SGCZ: variants seen among roughly 807,000 people sequenced by gnomAD.
The protein encoded by SGCZ is sarcoglycan zeta, also known as zeta-sarcoglycan.
In SGCZ, 40 loss-of-function variants were observed where a neutral mutation model predicts 41.3. The observed-to-expected ratio is 0.97, with a 90% confidence interval of 0.75 to 1.26. The LOEUF is 1.26. SGCZ is among the 50% of genes most tolerant of loss of function. The pLI, the probability that SGCZ is intolerant of heterozygous loss-of-function variation, is 0.00. For synonymous variants in SGCZ, 206 were observed against 137.5 expected, an observed-to-expected ratio of 1.50 and a Z score of -3.49; for missense variants, 552 against 369.8, an observed-to-expected ratio of 1.49 and a Z score of -4.04.
intron 1 of SGCZ, among the ~76,000 whole-genome samples, chr8:14,698,209 T>C (rs944458807): frequency 4.6e-5 from 7 of 151,984 alleles, no homozygotes; most frequent in African/African-American, 1.7e-4. Context: ...TAGCATCTAA[T>C]AACCTAATAA....
chr8:14,466,038 G>A (rs1033853771), intron 2 of SGCZ, among the ~76,000 whole-genome samples: 6 of 151,898 alleles, frequency 4.0e-5, no homozygotes, highest in African/African-American at 1.4e-4. Flanking sequence ...ATTGCTCACA[G>A]TTTATCTTTA....
intron 2 of SGCZ, among the ~76,000 whole-genome samples, chr8:14,374,684 A>T (rs1156458065): frequency 2.0e-5 from 3 of 152,146 alleles, no homozygotes; most frequent in Non-Finnish European, 4.4e-5. Flanking sequence ...AGATAAGCTC[A>T]TTGGCTTGGG....
chr8:15,201,703 A>G (rs991385946), intron 1 of SGCZ, among the ~76,000 whole-genome samples: 11 of 152,140 alleles, frequency 7.2e-5, no homozygotes, highest in African/African-American at 2.7e-4. Flanking sequence ...CAATTACACA[A>G]CTGGAAAGAA....
At chr8:14,510,431 C>T (rs961775622) in intron 2 of SGCZ, among the ~76,000 whole-genome samples, 1 of 150,904 alleles carries the variant, frequency 6.6e-6, no homozygotes, top group Non-Finnish European at 1.5e-5. Context: ...TAAAACCTAT[C>T]TTTGTCCTGT....
At chr8:14,795,290 A>G (rs1387090277) in intron 1 of SGCZ, among the ~76,000 whole-genome samples, 4 of 152,202 alleles carry the variant, frequency 2.6e-5, no homozygotes, top group African/African-American at 4.8e-5. Flanking sequence ...TTTACTTAAC[A>G]TAGAAGAAAA....
intron 1 of SGCZ, among the ~76,000 whole-genome samples, chr8:14,770,760 G>C (rs539865631): frequency 6.6e-6 from 1 of 152,122 alleles, no homozygotes; most frequent in East Asian, 1.9e-4. Flanking sequence ...ATAACCCTGT[G>C]ATTGAGACAA....
chr8:14,441,797 A>T (rs1800278612), intron 2 of SGCZ, among the ~76,000 whole-genome samples: 1 of 151,818 alleles, frequency 6.6e-6, no homozygotes, highest in Non-Finnish European at 1.5e-5. Flanking sequence ...TTCTCCTTTA[A>T]CTTTTTTGTC....
intron 1 of SGCZ, among the ~76,000 whole-genome samples, chr8:15,051,931 GA>G (rs1252298231): frequency 6.6e-6 from 1 of 152,130 alleles, no homozygotes; most frequent in African/African-American, 2.4e-5. Context: ...CAAAAGACTG[GA>G]AGGCTGCAGT....
intron 1 of SGCZ, among the ~76,000 whole-genome samples, chr8:14,755,461 G>T (rs554045295): frequency 1.3e-5 from 2 of 151,998 alleles, no homozygotes; most frequent in African/African-American, 4.8e-5. Flanking sequence ...AAACTCCCTT[G>T]TCTACTCACG....
At chr8:15,094,749 A>C (rs1350819746) in intron 1 of SGCZ, among the ~76,000 whole-genome samples, 1 of 152,122 alleles carries the variant, frequency 6.6e-6, no homozygotes, top group Non-Finnish European at 1.5e-5. Context: ...AGTTTCCCCC[A>C]TACTGTTCTC....
chr8:14,645,161 AACTAT>A (rs1429192024), intron 1 of SGCZ, among the ~76,000 whole-genome samples: 2 of 151,682 alleles, frequency 1.3e-5, no homozygotes, highest in Admixed American at 1.3e-4. Flanking sequence ...TTTCAACTTA[AACTAT>A]AAAATGAGGA....
intron 2 of SGCZ, among the ~76,000 whole-genome samples, chr8:14,373,357 C>A (rs987981203): frequency 1.3e-5 from 2 of 152,124 alleles, no homozygotes; most frequent in African/African-American, 4.8e-5. Context: ...TTGAGACCAA[C>A]TTGGATATAT....
At chr8:14,805,658 T>C (rs934529630) in intron 1 of SGCZ, among the ~76,000 whole-genome samples, 3 of 150,566 alleles carry the variant, frequency 2.0e-5, no homozygotes, top group Admixed American at 6.7e-5. Context: ...ACTGTCAACA[T>C]TAGACAGATC....
intron 1 of SGCZ, among the ~76,000 whole-genome samples, chr8:14,924,742 A>C (rs902526370): frequency 2.0e-5 from 3 of 152,166 alleles, no homozygotes; most frequent in African/African-American, 7.2e-5. Flanking sequence ...ACTGAGTTTG[A>C]GGCTAAAAAA....
rs114511200 is a variant in SGCZ, at chr8:14,868,909, T to G, written c.40-313983A>C. On this transcript the variant is annotated intron_variant, in intron 1 of 7. Coordinates refer to ENST00000382080, the MANE Select transcript of SGCZ (RefSeq NM_139167.4). ...ACCAGGAAGAAGCTGGATCCCAGAATAGACCAATAACAAGTTCTGGAATCG... is the reference window on the plus strand; with the variant it reads ...ACCAGGAAGAAGCTGGATCCCAGAAGAGACCAATAACAAGTTCTGGAATCG... 9.3e-3 allele frequency among the ~76,000 whole-genome samples: 1,413 copies of G among 152,176 alleles called. 19 individuals are homozygous for G. Among genetic ancestry groups the G allele is most frequent in the African/African-American group, 0.032 (1,345 of 41,532 alleles).
rs1051244708 is a variant in SGCZ at position 14,127,501 on chromosome 8, G to A, written c.548-19266C>T. On this transcript the variant is annotated intron_variant, in intron 5 of 7. Transcript: ENST00000382080. ...TACTGAGTCTCACTGTGTCACCCAG[G>A]CTGGAATGCAGTGGCACAATCTCGG... 3.3e-5 allele frequency among the ~76,000 whole-genome samples: 5 copies of A among 151,918 alleles called. No homozygotes were observed. In the East Asian group the frequency reaches 9.7e-4, roughly 29 times the overall value.
chr8:14,961,923 A>C (rs1800980063), intron 1 of SGCZ, among the ~76,000 whole-genome samples: 1 of 152,160 alleles, frequency 6.6e-6, no homozygotes. Flanking sequence ...GTATGTCATA[A>C]TTTACTGTGG....
intron 2 of SGCZ, among the ~76,000 whole-genome samples, chr8:14,543,990 C>T (rs1803548018): frequency 6.6e-6 from 1 of 152,014 alleles, no homozygotes; most frequent in Non-Finnish European, 1.5e-5. Context: ...TACCCCAAAG[C>T]TTCACCTATC....
At chr8:14,421,851 G>A (rs1427877415) in intron 2 of SGCZ, among the ~76,000 whole-genome samples, 2 of 151,994 alleles carry the variant, frequency 1.3e-5, no homozygotes, top group Admixed American at 1.3e-4. Context: ...TTTATTTAAA[G>A]AGGAAAAAAA....
Sources: gnomAD v4.1 joint callset for allele counts (sites outside exome capture counted in the v4.1 genomes callset) on GRCh38, gnomAD v4.1.1 for gene constraint, MANE v1.5 for transcripts, NCBI Gene and HGNC (gene_info 2026-07-23, HGNC 2026-07-21) for gene names.